Variants in PHF24 observed in about 807,000 individuals in gnomAD.
PHF24 encodes the protein Galpha inhibitory interacting protein.
In PHF24, 25 loss-of-function variants were observed where a neutral mutation model predicts 42.6. The ratio of observed to expected loss-of-function variants is 0.59; its 90% CI spans 0.43 to 0.82. The LOEUF (loss-of-function observed/expected upper bound fraction) is 0.82. PHF24 is among the 40% of genes least tolerant of loss of function. The pLI, the probability that PHF24 is intolerant of heterozygous loss-of-function variation, is 0.00. For synonymous variants in PHF24, 185 were observed against 204.8 expected, an observed-to-expected ratio of 0.90 and a Z score of 0.83; for missense variants, 470 against 538.1, an observed-to-expected ratio of 0.87 and a Z score of 1.25.
the PHF24 span, among the ~76,000 whole-genome samples, chr9:34,741,573 G>C: frequency 6.6e-6 from 1 of 151,974 alleles, no homozygotes; most frequent in African/African-American, 2.4e-5. Context: ...TGTTGGTCAG[G>C]CTGGCCTCGA....
At chr9:34,835,519 C>T in the PHF24 span, 16 of 1,551,740 alleles carry the variant, frequency 1.0e-5, no homozygotes, top group East Asian at 2.9e-4. Flanking sequence ...GGTTCAGGGA[C>T]AGCAAGGAGA....
At chr9:34,976,843 A>G in intron 5 of PHF24, 103 bp downstream of exon 5, 3 of 1,071,880 alleles carry the variant, frequency 2.8e-6, no homozygotes, top group Non-Finnish European at 4.1e-6. Context: ...TCAAGCAGGG[A>G]CAAGTATCAG....
At chr9:34,835,801 G>A in the PHF24 span, 1 of 1,531,358 alleles carries the variant, frequency 6.5e-7, no homozygotes. Flanking sequence ...TGGGTTTATA[G>A]ATGCCAGTGA....
the PHF24 span, among the ~76,000 whole-genome samples, chr9:34,790,608 A>G: frequency 6.6e-6 from 1 of 152,366 alleles, no homozygotes; most frequent in South Asian, 2.1e-4. Context: ...ATGGCAATGA[A>G]CAAAACAAAA....
the PHF24 span, among the ~76,000 whole-genome samples, chr9:34,935,594 A>G: frequency 4.3e-4 from 1 of 2,310 alleles, no homozygotes; most frequent in African/African-American, 5.4e-4. Flanking sequence ...ACTTCATCTG[A>G]AAAAAAAAAA....
the PHF24 span, among the ~76,000 whole-genome samples, chr9:34,938,823 G>T: frequency 6.6e-6 from 1 of 151,192 alleles, no homozygotes; most frequent in East Asian, 2.0e-4. Context: ...TGTAGTCCCA[G>T]CTACCTGGGA....
intron 3 of PHF24, among the ~76,000 whole-genome samples, chr9:34,975,100 C>T (rs1308884891): frequency 2.0e-5 from 3 of 152,182 alleles, no homozygotes; most frequent in Admixed American, 6.5e-5. Flanking sequence ...GATCTGACCA[C>T]GGCACTCCCC....
chr9:34,903,212 A>C, the PHF24 span, among the ~76,000 whole-genome samples: 2 of 152,240 alleles, frequency 1.3e-5, no homozygotes, highest in African/African-American at 4.8e-5. Flanking sequence ...AGTTAAGAGG[A>C]TATAAATACT....
At chr9:34,806,079 A>G in the PHF24 span, among the ~76,000 whole-genome samples, 2 of 152,148 alleles carry the variant, frequency 1.3e-5, no homozygotes, top group Non-Finnish European at 2.9e-5. Context: ...TGATGCACAT[A>G]TCTATCCCTG....
At chr9:34,763,788 G>T in the PHF24 span, among the ~76,000 whole-genome samples, 1 of 152,168 alleles carries the variant, frequency 6.6e-6, no homozygotes, top group East Asian at 1.9e-4. Flanking sequence ...TTTTCAAAGG[G>T]AGTGCTTCCA....
chr9:34,667,519 C>T, the PHF24 span, among the ~76,000 whole-genome samples: 1 of 152,150 alleles, frequency 6.6e-6, no homozygotes, highest in Non-Finnish European at 1.5e-5. Flanking sequence ...GGTCTGGTGC[C>T]GAGGAACTAG....
At chr9:34,724,727 A>G in the PHF24 span, 46 of 1,551,532 alleles carry the variant, frequency 3.0e-5, no homozygotes, top group Non-Finnish European at 3.9e-5. Context: ...GCATGGCCCA[A>G]GACTTATACA....
chr9:34,679,118 T>C, the PHF24 span, among the ~76,000 whole-genome samples: 1 of 152,216 alleles, frequency 6.6e-6, no homozygotes, highest in Non-Finnish European at 1.5e-5. Context: ...GTATTAGTGA[T>C]GCAAAGAAGC....
the PHF24 span, among the ~76,000 whole-genome samples, chr9:34,701,222 C>G: frequency 6.6e-6 from 1 of 151,984 alleles, no homozygotes; most frequent in Non-Finnish European, 1.5e-5. The surrounding 1 kb of genome is among the most constrained non-coding windows in gnomAD (Gnocchi z 5.8). Context: ...ATCCTGAATG[C>G]GCGCGTACTA....
chr9:34,693,738 A>G, the PHF24 span, among the ~76,000 whole-genome samples: 1 of 152,200 alleles, frequency 6.6e-6, no homozygotes, highest in Non-Finnish European at 1.5e-5. Context: ...AAAAGTATGT[A>G]TATACATATC....
At chr9:34,786,815 CA>C in the PHF24 span, among the ~76,000 whole-genome samples, 2 of 152,154 alleles carry the variant, frequency 1.3e-5, no homozygotes. Context: ...TCTCTTGGAT[CA>C]GGGGATAACC....
At chr9:34,880,378 G>T in the PHF24 span, among the ~76,000 whole-genome samples, 3 of 152,050 alleles carry the variant, frequency 2.0e-5, no homozygotes, top group African/African-American at 7.2e-5. Flanking sequence ...AATGTAAATG[G>T]GCTAAATGCT....
the PHF24 span, among the ~76,000 whole-genome samples, chr9:34,928,861 C>T: frequency 6.6e-6 from 1 of 152,212 alleles, no homozygotes; most frequent in African/African-American, 2.4e-5. Context: ...TCTGGAAGCA[C>T]CAAACTCCAT....
the PHF24 span, among the ~76,000 whole-genome samples, chr9:34,825,368 T>A: frequency 6.7e-6 from 1 of 148,196 alleles, no homozygotes; most frequent in South Asian, 2.1e-4. Flanking sequence ...ACCAAAACTA[T>A]CCTATTAAAG....
Sources: gnomAD v4.1 joint callset for allele counts (sites outside exome capture counted in the v4.1 genomes callset) on GRCh38, gnomAD v4.1.1 for gene constraint, Gnocchi (gnomAD v3.1) non-coding constraint, MANE v1.5 for transcripts, NCBI Gene and HGNC (gene_info 2026-07-23, HGNC 2026-07-21) for gene names.